Variants in GABRB1 observed in about 807,000 individuals in gnomAD.
GABRB1 encodes gamma-aminobutyric acid receptor subunit beta-1.
In GABRB1, 17 loss-of-function variants were observed where a neutral mutation model predicts 51.6. The observed-to-expected ratio is 0.33, with a 90% CI of 0.23 to 0.49. The LOEUF is 0.49. Among genes scored for constraint, GABRB1 ranks in the 20% least tolerant of loss-of-function variants. The probability of loss-of-function intolerance (pLI) is 0.99; values close to 1 mark genes in which losing one functional copy is unlikely to be tolerated. For missense variants in GABRB1, 410 were observed against 600.6 expected, an observed-to-expected ratio of 0.68 and a Z score of 3.32; for synonymous variants, 247 against 218.9, an observed-to-expected ratio of 1.13 and a Z score of -1.14.
In GABRB1 at chr4:47,070,329, C is replaced by T. The variant is rs1214360550; in HGVS notation, c.240+37845C>T. The stretch of plus-strand genomic sequence containing the variant: ...GGGATTACAGGCGTAAGCCACCGTG[C>T]CCAGCCTTCTTTTTTTTTGAGACAG... On this transcript the variant is annotated intron_variant, in intron 3 of 8. Coordinates refer to ENST00000295454, the MANE Select transcript of GABRB1 (RefSeq NM_000812.4). Among the ~76,000 whole-genome samples the T allele has an allele frequency of 3.3e-5, 5 of 151,388 alleles. No individual in the cohort carries two copies. In the South Asian group the frequency reaches 6.3e-4, roughly 19 times the overall value.
At chr4:47,033,050 A>C in intron 3 of GABRB1, 1 of 269,356 alleles carries the variant, frequency 3.7e-6, no homozygotes, top group East Asian at 8.9e-5. Flanking sequence ...CTAGTAGGAA[A>C]AGTGCCCGAG....
At chr4:47,277,288 C>A (rs915009185) in intron 4 of GABRB1, among the ~76,000 whole-genome samples, 3 of 151,926 alleles carry the variant, frequency 2.0e-5, no homozygotes, top group Non-Finnish European at 4.4e-5. Flanking sequence ...CATGTTCTCA[C>A]TTATTTGTGG....
chr4:47,001,452 T>A (rs904934755), intron 1 of GABRB1, among the ~76,000 whole-genome samples: 2 of 152,204 alleles, frequency 1.3e-5, no homozygotes, highest in Non-Finnish European at 2.9e-5. Context: ...AGATATTATT[T>A]TCAATATTTC....
intron 1 of GABRB1, among the ~76,000 whole-genome samples, chr4:47,019,868 C>A (rs370589836): frequency 7.3e-6 from 1 of 136,604 alleles, no homozygotes; most frequent in Non-Finnish European, 1.5e-5. Flanking sequence ...ACCACCCTGG[C>A]TAATTTATAT....
chr4:47,041,022 C>G (rs763780639), intron 3 of GABRB1, among the ~76,000 whole-genome samples: 1 of 152,074 alleles, frequency 6.6e-6, no homozygotes, highest in African/African-American at 2.4e-5. Flanking sequence ...TCCACTGTAT[C>G]GCTAAAGTGA....
chr4:47,097,355 T>C (rs796923511), intron 3 of GABRB1, among the ~76,000 whole-genome samples: 27 of 152,226 alleles, frequency 1.8e-4, no homozygotes, highest in African/African-American at 6.0e-4. Flanking sequence ...AAAATCACTT[T>C]CTCCAGAGAG....
At chr4:47,276,885 G>T (rs1443918622) in intron 4 of GABRB1, among the ~76,000 whole-genome samples, 1 of 151,958 alleles carries the variant, frequency 6.6e-6, no homozygotes, top group Non-Finnish European at 1.5e-5. Flanking sequence ...ATTACCAAGG[G>T]TCCTGTGGAG....
chr4:47,226,651 A>G (rs561208734), intron 4 of GABRB1, among the ~76,000 whole-genome samples: 19 of 152,166 alleles, frequency 1.2e-4, no homozygotes, highest in Admixed American at 7.9e-4. Flanking sequence ...TCATCCAAGT[A>G]TCCCTTGAGG....
intron 4 of GABRB1, among the ~76,000 whole-genome samples, chr4:47,305,643 A>G (rs1724438480): frequency 6.6e-6 from 1 of 152,154 alleles, no homozygotes; most frequent in Non-Finnish European, 1.5e-5. Flanking sequence ...TGCAATAATG[A>G]GAAATGTGGA....
chr4:47,012,112 C>A (rs1352032978), intron 1 of GABRB1, among the ~76,000 whole-genome samples: 3 of 152,138 alleles, frequency 2.0e-5, no homozygotes, highest in Non-Finnish European at 4.4e-5. Flanking sequence ...TTCATGCACA[C>A]TTATATATTT....
chr4:47,415,630 C>G (rs1025230982), intron 8 of GABRB1, among the ~76,000 whole-genome samples: 1 of 152,100 alleles, frequency 6.6e-6, no homozygotes, highest in Admixed American at 6.5e-5. Flanking sequence ...ACTTCAACCA[C>G]GTGCACCAAA....
intron 5 of GABRB1, among the ~76,000 whole-genome samples, chr4:47,402,824 A>C (rs187524974): frequency 1.3e-5 from 2 of 152,214 alleles, no homozygotes; most frequent in African/African-American, 4.8e-5. Context: ...TCTAAAAGAA[A>C]TATGTAGTTT....
At chr4:47,297,931 T>G (rs1198950805) in intron 4 of GABRB1, among the ~76,000 whole-genome samples, 2 of 152,190 alleles carry the variant, frequency 1.3e-5, no homozygotes, top group Non-Finnish European at 2.9e-5. Flanking sequence ...CAAGGCTGGT[T>G]CAATATACGC....
At chr4:47,108,380 T>C (rs1318307951) in intron 3 of GABRB1, among the ~76,000 whole-genome samples, 1 of 152,082 alleles carries the variant, frequency 6.6e-6, no homozygotes, top group Non-Finnish European at 1.5e-5. Context: ...GTATTCTGTG[T>C]TTTGTGCTGA....
chr4:47,088,263 A>G (rs934042585), intron 3 of GABRB1, among the ~76,000 whole-genome samples: 3 of 152,232 alleles, frequency 2.0e-5, no homozygotes, highest in Admixed American at 6.5e-5. Flanking sequence ...GGAATCACAC[A>G]TAATCCCTGC....
At position 47,320,222 on chromosome 4, in the gene GABRB1, G is replaced by T. The variant is rs372361253; in HGVS notation, c.544+13G>T. The T allele has an allele frequency of 1.3e-6, 2 of 1,507,766 alleles. No individual in the cohort carries two copies. The highest frequency in any genetic ancestry group is 1.8e-6 in the Non-Finnish European group (2 of 1,082,320). 93.4% of individuals were successfully genotyped at this position (1,507,766 alleles called of 1,614,324 possible). On this transcript the variant is annotated intron_variant, in intron 5 of 8. Coordinates refer to ENST00000295454, the MANE Select transcript of GABRB1 (RefSeq NM_000812.4). ...GAGATCGAAAGTTGTGAGTTACTTGGACAGGGGAATGAAAAAGAGGGATTC... is the reference window on the plus strand; with the variant it reads ...GAGATCGAAAGTTGTGAGTTACTTGTACAGGGGAATGAAAAAGAGGGATTC...
At chr4:47,349,682 A>G (rs987495559) in intron 5 of GABRB1, among the ~76,000 whole-genome samples, 3 of 152,210 alleles carry the variant, frequency 2.0e-5, no homozygotes, top group Non-Finnish European at 4.4e-5. Flanking sequence ...AACAAAACAT[A>G]GTATGTATAA....
At chr4:47,408,848 C>G (rs542973153) in intron 8 of GABRB1, among the ~76,000 whole-genome samples, 2 of 152,232 alleles carry the variant, frequency 1.3e-5, no homozygotes, top group South Asian at 4.1e-4. Context: ...ATTGATAAGT[C>G]ACGAGGGAAA....
chr4:47,325,298 G>A (rs933222812), intron 5 of GABRB1, among the ~76,000 whole-genome samples: 1 of 152,036 alleles, frequency 6.6e-6, no homozygotes, highest in East Asian at 1.9e-4. Flanking sequence ...AGCAGGGCAT[G>A]GTGGCACATG....
Sources: gnomAD v4.1 joint callset for allele counts (sites outside exome capture counted in the v4.1 genomes callset) on GRCh38, gnomAD v4.1.1 for gene constraint, MANE v1.5 for transcripts, NCBI Gene and HGNC (gene_info 2026-07-23, HGNC 2026-07-21) for gene names.